B3GALNT2: variants seen among roughly 807,000 people sequenced by gnomAD.
B3GALNT2 encodes UDP-GalNAc:beta-1,3-N-acetylgalactosaminyltransferase 2.
A neutral mutation model predicts 61.1 loss-of-function variants in B3GALNT2; 53 were observed. That is an observed-to-expected ratio of 0.87 (90% CI 0.70 to 1.09). B3GALNT2 has a LOEUF of 1.09. Among genes scored for constraint, B3GALNT2 ranks in the 50% least tolerant of loss-of-function variants. The probability of loss-of-function intolerance (pLI) is 0.00; values close to 1 mark genes in which losing one functional copy is unlikely to be tolerated. For synonymous variants in B3GALNT2, 223 were observed against 237.4 expected, an observed-to-expected ratio of 0.94 and a Z score of 0.56; for missense variants, 544 against 623.0, an observed-to-expected ratio of 0.87 and a Z score of 1.35.
intron 1 of B3GALNT2, among the ~76,000 whole-genome samples, chr1:235,497,111 AT>A (rs938802262): frequency 3.3e-5 from 5 of 152,150 alleles, no homozygotes; most frequent in African/African-American, 1.2e-4. Flanking sequence ...AGCTCAGAAC[AT>A]TTTTTCTCAG....
chr1:235,499,071 C>T (rs1025563441), intron 1 of B3GALNT2, among the ~76,000 whole-genome samples: 1 of 152,044 alleles, frequency 6.6e-6, no homozygotes, highest in Non-Finnish European at 1.5e-5. Context: ...CGAAAAACTG[C>T]AAGCTACATA....
intron 9 of B3GALNT2, among the ~76,000 whole-genome samples, chr1:235,454,975 T>C (rs950621556): frequency 1.9e-4 from 29 of 152,158 alleles, no homozygotes; most frequent in African/African-American, 7.0e-4. Context: ...ACAAACGTAC[T>C]CTAACAAAAT....
chr1:235,495,741 C>T (rs1439538867), intron 1 of B3GALNT2, among the ~76,000 whole-genome samples: 1 of 152,100 alleles, frequency 6.6e-6, no homozygotes, highest in East Asian at 1.9e-4. Flanking sequence ...ATGAGGTATC[C>T]ATTTCATCTC....
At chr1:235,440,095 C>T in the B3GALNT2 span, among the ~76,000 whole-genome samples, 4 of 151,494 alleles carry the variant, frequency 2.6e-5, no homozygotes, top group South Asian at 2.1e-4. Flanking sequence ...CTCAGCCTCC[C>T]GAGTGGCTGG....
rs201190932 is a variant in B3GALNT2, at chr1:235,489,270, T to C, written c.261-2A>G. 8.7e-6 allele frequency: 14 copies of C among 1,613,380 alleles called. No homozygotes were observed. In the East Asian group the frequency reaches 3.1e-4, roughly 36 times the overall value. ...CCTATTATGAACTTCACAAGCACACTGAGAGATGTGTTGGCATTAACATCA... is the reference window on the plus strand; with the variant it reads ...CCTATTATGAACTTCACAAGCACACCGAGAGATGTGTTGGCATTAACATCA... On this transcript the variant is annotated splice_acceptor_variant, in intron 2 of 11. Transcript: ENST00000366600. LOFTEE classifies it high-confidence loss of function.
chr1:235,458,867 T>C (rs1413865865), intron 7 of B3GALNT2, 81 bp from the exon 8 acceptor site: 1 of 1,272,502 alleles, frequency 7.9e-7, no homozygotes, highest in Non-Finnish European at 1.0e-6. Flanking sequence ...ACTAAAGTTC[T>C]TTTCCCAAGG....
chr1:235,504,260 C>A lies in B3GALNT2; in HGVS notation c.-8G>T. 6.7e-7 allele frequency: 1 copy of A among 1,486,512 alleles called. No homozygotes were observed. Among genetic ancestry groups the A allele is most frequent in the South Asian group, 1.2e-5 (1 of 80,454 alleles). 92.1% of individuals were successfully genotyped at this position (1,486,512 alleles called of 1,614,324 possible). ...CACCAGCCAGTTTCGCATTGGCCGC[C>A]CCCGCCGCGAGCCGGGCTCTCCCGC... is the stretch of plus-strand genomic sequence containing the variant. On this transcript the variant is annotated 5_prime_UTR_variant, in exon 1 of 12. Transcript: ENST00000366600.
At chr1:235,473,122 C>T (rs1684078734) in intron 5 of B3GALNT2, among the ~76,000 whole-genome samples, 1 of 152,086 alleles carries the variant, frequency 6.6e-6, no homozygotes, top group Non-Finnish European at 1.5e-5. Context: ...ACCATGTTGG[C>T]CAGGCTGGTC....
chr1:235,504,237 C>G lies in B3GALNT2; in HGVS notation c.16G>C (p.Val6Leu). MRNWL[V>L]LLCPCVLGAA... ...CCGAGCACACACGGGCACAGCAGCACCAGCCAGTTTCGCATTGGCCGCCCC... is the reference window on the plus strand; with the variant it reads ...CCGAGCACACACGGGCACAGCAGCAGCAGCCAGTTTCGCATTGGCCGCCCC... The change falls in exon 1 of 12, where the codon GTG becomes CTG. Residue 6 changes from valine (V) to leucine (L), a missense_variant. Transcript: ENST00000366600. The G allele has an allele frequency of 2.0e-6, 3 of 1,484,940 alleles. No homozygotes were observed. The highest frequency in any genetic ancestry group is 2.2e-5 in the Admixed American group (1 of 45,520). The allele number at this position is 1,484,940 out of a possible 1,614,324, so 92.0% of individuals were successfully genotyped here. A position where few individuals can be genotyped will look rare whatever the true frequency, so the allele number is the denominator to read the frequency against.
rs1293311552 is a variant in B3GALNT2 at position 235,474,969 on chromosome 1, ATATATATATATATATATATTTTTTTT to A, written c.652-4035_652-4010del. 3.3e-3 allele frequency among the ~76,000 whole-genome samples: 96 copies of A among 28,778 alleles called. 4 individuals carry two copies. The highest frequency in any genetic ancestry group is 0.011 in the Middle Eastern group (1 of 92). The allele number at this position is 28,778 out of a possible 152,430, so 18.9% of individuals were successfully genotyped here. A position where few individuals can be genotyped will look rare whatever the true frequency, so the allele number is the denominator to read the frequency against. ...TAGAGACATATATATATATATATAT[ATATATATATATATATATATTTTTTTT>A]TTTTTTTTTTTTTTTGAGACGGAGT... On this transcript the variant is annotated intron_variant, in intron 5 of 11. Coordinates refer to ENST00000366600, the MANE Select transcript of B3GALNT2 (RefSeq NM_152490.5).
intron 7 of B3GALNT2, chr1:235,465,367 A>G: frequency 8.3e-6 from 3 of 359,730 alleles, no homozygotes; most frequent in Admixed American, 4.2e-5. Flanking sequence ...ATAGAGAAAG[A>G]AAGTGCATCA....
Position 235,458,750 on chromosome 1 carries a change from G to C in B3GALNT2, c.878C>G (p.Pro293Arg). ...DALLHNLHSR[P>R]QRLIDHIRNL... is the part of the protein sequence containing the mutation. ...CCTTATATGATCAATAAGTCTTTGA[G>C]GGCGAGAATGAAGGTTGTGTAAGAG... The change falls in exon 8 of 12, where the codon CCT (proline) becomes CGT (arginine). Residue 293 changes from proline (P) to arginine (R), a missense_variant. Transcript: ENST00000366600. 2.5e-6 allele frequency: 4 copies of C among 1,603,082 alleles called. No homozygotes were observed. Among genetic ancestry groups the C allele is most frequent in the Non-Finnish European group, 3.4e-6 (4 of 1,176,852 alleles).
chr1:235,440,240 G>A, the B3GALNT2 span, among the ~76,000 whole-genome samples: 1 of 152,332 alleles, frequency 6.6e-6, no homozygotes, highest in African/African-American at 2.4e-5. Context: ...AGAGTGCTGG[G>A]ATTACAGGCG....
chr1:235,446,542 T>C (rs906638395), downstream of B3GALNT2, among the ~76,000 whole-genome samples: 45 of 152,342 alleles, frequency 3.0e-4, 1 homozygote, highest in Admixed American at 9.1e-4. Flanking sequence ...TCTCAAATTT[T>C]TAACACTGGT....
At chr1:235,487,455 A>G (rs1219772017) in intron 3 of B3GALNT2, among the ~76,000 whole-genome samples, 1 of 152,168 alleles carries the variant, frequency 6.6e-6, no homozygotes, top group Non-Finnish European at 1.5e-5. Context: ...CCTTATGTCA[A>G]TCCCCATGAG....
chr1:235,480,644 C>T lies in B3GALNT2; in HGVS notation c.556-495G>A, dbSNP rs547831814. On this transcript the variant is annotated intron_variant, in intron 4 of 11. Transcript: ENST00000366600. ...CTGGAGCCAGGTGCAGTGGCTCACG[C>T]TTGTAATCCCACCACTTTGGGAGGC... Among the ~76,000 whole-genome samples, 16 of 152,160 alleles carry T rather than the reference C, an allele frequency of 1.1e-4. 1 individual carries two copies. The South Asian group carries it at 3.1e-3, about 30-fold the overall frequency.
intron 1 of B3GALNT2, 88 bp from the exon 2 acceptor site, chr1:235,494,916 C>T: frequency 8.0e-7 from 1 of 1,249,918 alleles, no homozygotes; most frequent in Non-Finnish European, 1.1e-6. Context: ...ACAAAATAAG[C>T]TTATGTTTGT....
chr1:235,463,398 T>C (rs1234254248), intron 7 of B3GALNT2: 1 of 150,780 alleles, frequency 6.6e-6, no homozygotes, highest in Admixed American at 6.6e-5. Context: ...TTCATATATA[T>C]GCATATATAT....
chr1:235,469,081 C>A (rs1335783352), intron 6 of B3GALNT2, among the ~76,000 whole-genome samples: 1 of 152,112 alleles, frequency 6.6e-6, no homozygotes, highest in Non-Finnish European at 1.5e-5. Flanking sequence ...ATCTATGGGT[C>A]TATTTGTTTA....
Sources: allele counts gnomAD v4.1 joint callset (sites outside exome capture counted in the v4.1 genomes callset), GRCh38; gene constraint gnomAD v4.1.1; transcripts MANE v1.5; gene names NCBI Gene and HGNC (gene_info 2026-07-23, HGNC 2026-07-21).